The following OTOGL variants were observed in gnomAD, a reference collection of about 807,000 sequenced individuals.
The protein encoded by OTOGL is otogelin like.
In OTOGL, 285 loss-of-function variants were observed where a neutral mutation model predicts 318.5. That is an observed-to-expected ratio of 0.89 (90% CI 0.81 to 0.99). The LOEUF is 0.99. Among genes scored for constraint, OTOGL ranks in the 50% least tolerant of loss-of-function variants. The pLI is 0.00. For synonymous variants in OTOGL, 987 were observed against 936.5 expected (o/e 1.05, Z -0.99); for missense variants, 2,899 against 2,845.6 (o/e 1.02, Z -0.43).
At chr12:80,222,272 T>C in intron 7 of OTOGL, 27 bp downstream of exon 7, 1 of 1,523,490 alleles carries the variant, frequency 6.6e-7, no homozygotes, top group Non-Finnish European at 8.8e-7. Context: ...CATGATTAAC[T>C]TAAAAATATT....
At chr12:80,333,151 C>T (rs968008230) in intron 38 of OTOGL, 73 bp downstream of exon 38, 1 of 1,349,804 alleles carries the variant, frequency 7.4e-7, no homozygotes, top group African/African-American at 1.5e-5. Flanking sequence ...GTGTCAATAT[C>T]CAAATGCTAC....
intron 26 of OTOGL, among the ~76,000 whole-genome samples, chr12:80,282,237 GA>G (rs1884286331): frequency 2.6e-5 from 4 of 151,666 alleles, no homozygotes; most frequent in African/African-American, 9.7e-5. Context: ...TTTTTTTCTG[GA>G]TGTGACTTTT....
intron 1 of OTOGL, among the ~76,000 whole-genome samples, chr12:80,165,646 C>G (rs1342630596): frequency 1.3e-5 from 2 of 152,212 alleles, no homozygotes; most frequent in Non-Finnish European, 2.9e-5. Flanking sequence ...GAGTTTGATT[C>G]CTGCCCTGCG....
At chr12:80,307,371 C>T (rs1451475010) in intron 29 of OTOGL, among the ~76,000 whole-genome samples, 1 of 151,766 alleles carries the variant, frequency 6.6e-6, no homozygotes, top group East Asian at 2.0e-4. Context: ...TCCTCACTTC[C>T]CAGTAGGCGC....
intron 1 of OTOGL, among the ~76,000 whole-genome samples, chr12:80,184,455 G>A (rs11114347): frequency 0.33 from 50,327 of 152,040 alleles, 8,810 homozygotes; most frequent in Middle Eastern, 0.42. Flanking sequence ...TACTGAGAAG[G>A]TTTTACGTCT....
chr12:80,252,118 G>A lies in OTOGL; in HGVS notation c.1202G>A (p.Ser401Asn). Residue 401 changes from serine (S) to asparagine (N), a missense_variant, in exon 13 of 59, where the codon AGT becomes AAT. Ser to Asn is a conservative substitution (Grantham distance 46). This residue lies in a region of OTOGL where 2,607 missense variants were observed against 2,524.9 expected (regional missense o/e 1.03). Coordinates refer to ENST00000547103, the MANE Select transcript of OTOGL (RefSeq NM_001378609.3). ...AGCTTTGTCCATCGGGACTGTATCAGTTGTTGTCCACCAACCTGCACATTT... is the reference window on the plus strand; with the variant it reads ...AGCTTTGTCCATCGGGACTGTATCAATTGTTGTCCACCAACCTGCACATTT... The part of the protein sequence containing the change: ...DDSFVHRDCI[S>N]CCPPTCTFEK... The A allele has an allele frequency of 6.4e-7, 1 of 1,563,438 alleles. No homozygotes were observed. Among genetic ancestry groups the A allele is most frequent in the Middle Eastern group, 1.7e-4 (1 of 6,006 alleles).
intron 23 of OTOGL, among the ~76,000 whole-genome samples, chr12:80,270,964 A>T (rs1484889570): frequency 6.6e-6 from 1 of 152,132 alleles, no homozygotes; most frequent in African/African-American, 2.4e-5. Context: ...ATGGCCTGGT[A>T]TATATTATTA....
intron 29 of OTOGL, among the ~76,000 whole-genome samples, 190 bp from the exon 30 acceptor site, chr12:80,310,421 T>C (rs1255184662): frequency 1.3e-5 from 2 of 152,234 alleles, no homozygotes; most frequent in Non-Finnish European, 2.9e-5. Context: ...TAATATTCTG[T>C]TTAGTTGCTT....
chr12:80,243,324 C>T (rs1285818949), intron 11 of OTOGL, among the ~76,000 whole-genome samples: 1 of 151,824 alleles, frequency 6.6e-6, no homozygotes, highest in Non-Finnish European at 1.5e-5. Context: ...ATTCAGTATC[C>T]AATGAAAATA....
intron 52 of OTOGL, among the ~76,000 whole-genome samples, chr12:80,362,863 A>G (rs1890316422): frequency 4.7e-5 from 7 of 149,168 alleles, no homozygotes; most frequent in Admixed American, 4.0e-4. Flanking sequence ...AATAATGACC[A>G]TAAAACCCTC....
rs558271589 is a variant in OTOGL, at chr12:80,127,615, C to G, written c.-20+28010C>G. Among the ~76,000 whole-genome samples, 899 of 152,264 alleles carry G rather than the reference C, an allele frequency of 5.9e-3. 9 individuals are homozygous for G. The highest frequency in any genetic ancestry group is 0.021 in the African/African-American group (853 of 41,544). On this transcript the variant is annotated intron_variant, in intron 1 of 58. Coordinates refer to ENST00000547103, the MANE Select transcript of OTOGL (RefSeq NM_001378609.3). ...TTGCTAGATTGGGGAAGTTCTCCTG[C>G]ATAATATCCTGCAGAGTGTTTTCCA...
intron 9 of OTOGL, among the ~76,000 whole-genome samples, chr12:80,235,702 A>G (rs1347136932): frequency 6.6e-6 from 1 of 152,176 alleles, no homozygotes; most frequent in African/African-American, 2.4e-5. Context: ...TCAGTCTGCC[A>G]GAGGAAGACT....
intron 1 of OTOGL, among the ~76,000 whole-genome samples, chr12:80,107,978 A>C (rs1032144210): frequency 6.6e-6 from 1 of 151,994 alleles, no homozygotes; most frequent in African/African-American, 2.4e-5. Context: ...GACAGGATCA[A>C]AAAACTATCT....
chr12:80,195,252 A>T (rs1160603459), intron 1 of OTOGL, among the ~76,000 whole-genome samples: 1 of 152,228 alleles, frequency 6.6e-6, no homozygotes, highest in Non-Finnish European at 1.5e-5. Flanking sequence ...CAGAATTTGC[A>T]GTTTGGCTCA....
rs759243424 is a variant in OTOGL at position 80,356,452 on chromosome 12, C to T, written c.5843C>T (p.Thr1948Ile). Residue 1948 changes from threonine to isoleucine, a missense_variant, in exon 48 of 59, where the codon ACA becomes ATA. Thr to Ile is a moderately conservative substitution (Grantham distance 89). This residue lies in a region of OTOGL where 2,607 missense variants were observed against 2,524.9 expected (regional missense o/e 1.03). Transcript: ENST00000547103. ...ACTTTGTGTGAAACTAGCATTCCAA[C>T]ATGTACAAATAGTCAAAAATTGATT... Reference protein sequence around the residue: ...DTTLCETSIPTCTNSQKLIVG... With the variant: ...DTTLCETSIPICTNSQKLIVG... 2.5e-6 allele frequency: 4 copies of T among 1,612,030 alleles called. No individual in the cohort carries two copies. The highest frequency in any genetic ancestry group is 3.4e-6 in the Non-Finnish European group (4 of 1,179,006).
At chr12:80,328,859 T>C in intron 36 of OTOGL, 115 bp downstream of exon 36, 3 of 1,100,330 alleles carry the variant, frequency 2.7e-6, no homozygotes, top group Admixed American at 4.9e-5. Context: ...CTCATAAGAT[T>C]ATTCTTCAAT....
intron 26 of OTOGL, among the ~76,000 whole-genome samples, chr12:80,292,198 G>C (rs899195773): frequency 3.2e-4 from 48 of 152,232 alleles, no homozygotes; most frequent in African/African-American, 1.1e-3. Flanking sequence ...ATGTTGGTCA[G>C]GCTGGTCTTG....
chr12:80,172,604 A>G lies in OTOGL; in HGVS notation c.-19-36809A>G, dbSNP rs187744934. 6.1e-3 allele frequency among the ~76,000 whole-genome samples: 902 copies of G among 148,520 alleles called. 30 individuals carry two copies. Among genetic ancestry groups the G allele is most frequent in the Non-Finnish European group, 1.4e-3 (95 of 67,712 alleles). On this transcript the variant is annotated intron_variant, in intron 1 of 58. Transcript: ENST00000547103. The stretch of plus-strand genomic sequence containing the variant: ...TCCTTTTTCTATCTGATTTTTTTCT[A>G]TGTTTTTTTTTTCCTATCTTATGTT...
At chr12:80,099,886 G>A (rs1488843765) in intron 1 of OTOGL, among the ~76,000 whole-genome samples, 1 of 152,194 alleles carries the variant, frequency 6.6e-6, no homozygotes, top group Non-Finnish European at 1.5e-5. Flanking sequence ...CAATGGTTTA[G>A]TTCCAATCAC....
Sources: gnomAD v4.1 joint callset for allele counts (sites outside exome capture counted in the v4.1 genomes callset) on GRCh38, gnomAD v4.1.1 for gene constraint, gnomAD v4.1.1 regional missense constraint, MANE v1.5 for transcripts, NCBI Gene and HGNC (gene_info 2026-07-23, HGNC 2026-07-21) for gene names.